The following PCBP2 variants were observed in gnomAD, a reference collection of about 807,000 sequenced individuals.
PCBP2 encodes the protein poly(rC) binding protein 2.
A neutral mutation model predicts 50.1 loss-of-function variants in PCBP2; 4 were observed. That is an observed-to-expected ratio of 0.08 (90% CI 0.04 to 0.18). PCBP2 has a LOEUF of 0.18. PCBP2 is among the 10% of genes least tolerant of loss of function. The pLI is 1.00. For synonymous variants in PCBP2, 179 were observed against 168.0 expected, an observed-to-expected ratio of 1.07 and a Z score of -0.51; for missense variants, 161 against 474.3, an observed-to-expected ratio of 0.34 and a Z score of 6.14.
At chr12:53,459,194 A>G (rs1055688641) in intron 5 of PCBP2, 78 bp from the exon 6 acceptor site, 9 of 1,238,392 alleles carry the variant, frequency 7.3e-6, no homozygotes, top group African/African-American at 4.5e-5. Context: ...CACTTACCCT[A>G]ATAAGGGTAA....
intron 10 of PCBP2, 85 bp from the exon 11 acceptor site, chr12:53,467,136 A>G (rs757354308): frequency 1.0e-6 from 1 of 998,644 alleles, no homozygotes; most frequent in Non-Finnish European, 1.5e-6. Flanking sequence ...TTTGGGAATC[A>G]GGACCTGCAT....
chr12:53,462,938 T>C (rs1479315643), intron 8 of PCBP2, among the ~76,000 whole-genome samples: 1 of 152,196 alleles, frequency 6.6e-6, no homozygotes, highest in Non-Finnish European at 1.5e-5. Context: ...AAGGAGATTC[T>C]GGATGGTGGT....
intron 14 of PCBP2, chr12:53,475,119 A>G (rs1942490570): frequency 4.4e-6 from 2 of 456,330 alleles, no homozygotes; most frequent in African/African-American, 2.0e-5. Context: ...GTCTGCTGCT[A>G]AGGGTACCGG....
At chr12:53,466,314 GC>G (rs1941819622) in intron 10 of PCBP2, among the ~76,000 whole-genome samples, 5 of 152,130 alleles carry the variant, frequency 3.3e-5, no homozygotes, top group African/African-American at 1.2e-4. Context: ...GTGCTTCCTT[GC>G]ATGCAGTTCT....
intron 14 of PCBP2, among the ~76,000 whole-genome samples, chr12:53,472,610 A>G (rs1179686681): frequency 6.6e-6 from 1 of 152,198 alleles, no homozygotes; most frequent in East Asian, 1.9e-4. Context: ...TTAATAGGGA[A>G]TGTTGTCTAG....
In PCBP2 at chr12:53,479,504, G is replaced by A; in HGVS notation, c.*62G>A. 6.8e-7 allele frequency: 1 copy of A among 1,462,292 alleles called. No individual in the cohort carries two copies. The highest frequency in any genetic ancestry group is 9.6e-7 in the Non-Finnish European group (1 of 1,044,316). The allele number at this position is 1,462,292 out of a possible 1,614,324, so 90.6% of individuals were successfully genotyped here. A position where few individuals can be genotyped will look rare whatever the true frequency, so the allele number is the denominator to read the frequency against. The stretch of plus-strand genomic sequence containing the variant: ...TCACCACCACCCATGATCCATCTGT[G>A]TAGTTTCTGAACAGTCAGCGATTCC... On this transcript the variant is annotated 3_prime_UTR_variant, in exon 15 of 15. Transcript: ENST00000546463.
chr12:53,468,124 C>T (rs940118737), intron 12 of PCBP2: 9 of 353,658 alleles, frequency 2.5e-5, no homozygotes, highest in Non-Finnish European at 4.0e-5. Context: ...AAGATGGGTA[C>T]GGGTATTTGC....
rs1555209691 is a variant in PCBP2 at position 53,479,675 on chromosome 12, T to TTTTTTTGTTTTGTTTTG, written c.*239_*240insGTTTTGTTTTGTTTTTT. The stretch of plus-strand genomic sequence containing the variant: ...AGTTTTATAAGCTTCTCCCTGGTTT[T>TTTTTTTGTTTTGTTTTG]TTTTTTTTGGCTCATGAATTTTTCT... On this transcript the variant is annotated 3_prime_UTR_variant, in exon 15 of 15. Coordinates refer to ENST00000546463, the MANE Select transcript of PCBP2 (RefSeq NM_031989.5). The TTTTTTTGTTTTGTTTTG allele has an allele frequency of 2.1e-5, 8 of 386,334 alleles. No individual in the cohort carries two copies. Among genetic ancestry groups the TTTTTTTGTTTTGTTTTG allele is most frequent in the Non-Finnish European group, 2.8e-5 (6 of 216,442 alleles). 23.9% of individuals were successfully genotyped at this position (386,334 alleles called of 1,614,324 possible).
chr12:53,457,566 G>A (rs1402750904), intron 5 of PCBP2, among the ~76,000 whole-genome samples: 1 of 150,134 alleles, frequency 6.7e-6, no homozygotes, highest in African/African-American at 2.5e-5. Context: ...GGCTCGTCTT[G>A]AACTCTTGGG....
At chr12:53,475,482 T>A (rs1360429395) in intron 14 of PCBP2, 5 of 272,420 alleles carry the variant, frequency 1.8e-5, no homozygotes, top group Non-Finnish European at 3.6e-5. Context: ...TCTTTGTAGC[T>A]TTATTCTGCC....
At chr12:53,464,943 T>C in intron 9 of PCBP2, 91 bp downstream of exon 9, 2 of 1,428,436 alleles carry the variant, frequency 1.4e-6, no homozygotes, top group Non-Finnish European at 1.8e-6. Flanking sequence ...GCGCTGGTGA[T>C]TTTTGGTGCT....
At chr12:53,463,213 C>T (rs1283577486) in intron 8 of PCBP2, among the ~76,000 whole-genome samples, 1 of 152,154 alleles carries the variant, frequency 6.6e-6, no homozygotes, top group African/African-American at 2.4e-5. Flanking sequence ...CAAAGCACCA[C>T]CGTGGCCTCT....
At chr12:53,478,546 G>T (rs1056109265) in intron 14 of PCBP2, among the ~76,000 whole-genome samples, 8 of 152,030 alleles carry the variant, frequency 5.3e-5, no homozygotes, top group African/African-American at 1.9e-4. Flanking sequence ...GCTCATGCCT[G>T]TAATCCCAGC....
chr12:53,474,370 G>T (rs1592683953), intron 14 of PCBP2, among the ~76,000 whole-genome samples: 1 of 152,308 alleles, frequency 6.6e-6, no homozygotes, highest in East Asian at 1.9e-4. Flanking sequence ...GTTTGCTGTG[G>T]AGATGTAAGC....
chr12:53,467,466 G>T, intron 11 of PCBP2, 173 bp downstream of exon 11: 1 of 687,954 alleles, frequency 1.5e-6, no homozygotes, highest in Non-Finnish European at 2.6e-6. Flanking sequence ...TGTTAACGTG[G>T]TTTTCATTTG....
chr12:53,458,045 C>T (rs938105672), intron 5 of PCBP2, among the ~76,000 whole-genome samples: 4 of 152,126 alleles, frequency 2.6e-5, no homozygotes, highest in South Asian at 2.1e-4. Context: ...TCTCCTGCCT[C>T]GGCCTCCCCA....
chr12:53,472,962 T>A (rs1942339385), intron 14 of PCBP2, among the ~76,000 whole-genome samples: 1 of 152,172 alleles, frequency 6.6e-6, no homozygotes, highest in South Asian at 2.1e-4. Flanking sequence ...TGCACCAAGG[T>A]TGTTTGCAAA....
intron 6 of PCBP2, chr12:53,459,970 G>C: frequency 4.9e-6 from 2 of 405,406 alleles, no homozygotes; most frequent in Non-Finnish European, 1.0e-5. Context: ...TGTGGCCCAG[G>C]CTGGTTTCGA....
At chr12:53,455,007 TG>T (rs1940883501) in intron 2 of PCBP2, 138 bp downstream of exon 2, 2 of 761,996 alleles carry the variant, frequency 2.6e-6, no homozygotes, top group East Asian at 5.1e-5. Flanking sequence ...GGAGTAGAAG[TG>T]AGTGTAGTGG....
Sources: gnomAD v4.1 joint callset for allele counts (sites outside exome capture counted in the v4.1 genomes callset) on GRCh38, gnomAD v4.1.1 for gene constraint, MANE v1.5 for transcripts, NCBI Gene and HGNC (gene_info 2026-07-23, HGNC 2026-07-21) for gene names.